Variants in KIAA1217 observed in about 807,000 individuals in gnomAD.
KIAA1217 encodes sickle tail protein homolog.
Under a neutral mutation model 163.9 loss-of-function variants are expected in KIAA1217, and 88 were observed. The observed-to-expected ratio is 0.54, with a 90% CI of 0.45 to 0.64. The LOEUF (loss-of-function observed/expected upper bound fraction) is 0.64, where lower values mean the gene tolerates loss of function less well. Ranked by LOEUF, KIAA1217 falls within the 30% of genes least tolerant of loss-of-function variation. KIAA1217 has a pLI of 0.00. For synonymous variants in KIAA1217, 903 were observed against 923.1 expected (o/e 0.98, Z 0.39); for missense variants, 2,372 against 2,475.0 (o/e 0.96, Z 0.88).
chr10:24,401,782 T>C (rs1471701375), intron 3 of KIAA1217, among the ~76,000 whole-genome samples: 2 of 152,154 alleles, frequency 1.3e-5, no homozygotes, highest in African/African-American at 2.4e-5. Flanking sequence ...AATAAAACTG[T>C]CTCTGTTTGC....
chr10:23,846,533 G>A (rs1406410025), intron 1 of KIAA1217, among the ~76,000 whole-genome samples: 1 of 151,950 alleles, frequency 6.6e-6, no homozygotes, highest in Admixed American at 6.6e-5. Context: ...CTCTCTGTTT[G>A]TCTGTTCTTG....
chr10:24,480,753 T>G (rs2064579814), intron 6 of KIAA1217, among the ~76,000 whole-genome samples: 1 of 152,206 alleles, frequency 6.6e-6, no homozygotes, highest in African/African-American at 2.4e-5. Flanking sequence ...GAGACATTTC[T>G]GAATATAATA....
intron 2 of KIAA1217, among the ~76,000 whole-genome samples, chr10:24,342,652 ATTTTTTTTT>A (rs11299912): frequency 0.013 from 1,216 of 93,556 alleles, 9 homozygotes; most frequent in Non-Finnish European, 0.019. Flanking sequence ...ATACAACTCA[ATTTTTTTTT>A]TTTTTTTTTT....
At chr10:24,448,249 G>GA (rs1319964345) in intron 5 of KIAA1217, among the ~76,000 whole-genome samples, 2 of 151,752 alleles carry the variant, frequency 1.3e-5, no homozygotes, top group African/African-American at 4.8e-5. Context: ...TTTTGCGTGG[G>GA]GGGGGCTGGA....
At chr10:24,067,323 T>C (rs2060991909) in intron 2 of KIAA1217, among the ~76,000 whole-genome samples, 1 of 152,176 alleles carries the variant, frequency 6.6e-6, no homozygotes, top group South Asian at 2.1e-4. Context: ...GGGTTTTTGG[T>C]ATGGATGTCC....
At chr10:24,239,750 G>A (rs1250570432) in intron 2 of KIAA1217, among the ~76,000 whole-genome samples, 1 of 151,704 alleles carries the variant, frequency 6.6e-6, no homozygotes, top group Admixed American at 6.6e-5. Flanking sequence ...CTGAAATTGA[G>A]ACTATGGGTA....
At chr10:24,120,748 G>A (rs566389006) in intron 2 of KIAA1217, among the ~76,000 whole-genome samples, 1 of 152,138 alleles carries the variant, frequency 6.6e-6, no homozygotes, top group Non-Finnish European at 1.5e-5. Flanking sequence ...ATTTCAAAAG[G>A]CATCAAGTCA....
At chr10:23,860,086 C>G (rs1588966917) in intron 1 of KIAA1217, among the ~76,000 whole-genome samples, 1 of 152,088 alleles carries the variant, frequency 6.6e-6, no homozygotes, top group South Asian at 2.1e-4. Flanking sequence ...AGTCCTGCCC[C>G]TCGTACGTTC....
Position 23,833,981 on chromosome 10 carries a change from G to A in KIAA1217, c.-321+138747G>A, listed in dbSNP as rs1366195145. Among the ~76,000 whole-genome samples, 3 of 151,966 alleles carry A rather than the reference G, an allele frequency of 2.0e-5. No individual in the cohort carries two copies. In the East Asian group the frequency reaches 5.8e-4, roughly 29 times the overall value. On this transcript the variant is annotated intron_variant, in intron 1 of 18. Coordinates refer to the KIAA1217 transcript ENST00000376462. ...TAAACATAGTTTATATGGATTTCAT[G>A]TCTTCATTTATCTCCCTTTAAAGTT...
chr10:24,140,802 C>A (rs529286745), intron 2 of KIAA1217, among the ~76,000 whole-genome samples: 1 of 152,120 alleles, frequency 6.6e-6, no homozygotes, highest in Non-Finnish European at 1.5e-5. Context: ...TGGTTGCGAA[C>A]GTTACCTCTT....
At position 24,438,528 on chromosome 10, in the gene KIAA1217, C is replaced by A. The variant is rs1244373811; in HGVS notation, c.846+49C>A. ...ACTTATCTTCAGTGGGTCAAAGCGTCCCTCCTCTTGCTTGTACTCCTGATG... is the reference window on the plus strand; with the variant it reads ...ACTTATCTTCAGTGGGTCAAAGCGTACCTCCTCTTGCTTGTACTCCTGATG... On this transcript the variant is annotated intron_variant, in intron 5 of 20. Coordinates refer to ENST00000376454, the MANE Select transcript of KIAA1217 (RefSeq NM_019590.5). The A allele has an allele frequency of 4.7e-6, 6 of 1,270,728 alleles. No homozygotes were observed. The Admixed American group carries it at 8.4e-5, about 18-fold the overall frequency. 78.7% of individuals were successfully genotyped at this position (1,270,728 alleles called of 1,614,324 possible). A position where few individuals can be genotyped will look rare whatever the true frequency, so the allele number is the denominator to read the frequency against.
chr10:24,187,263 C>G (rs2066481114), intron 2 of KIAA1217, among the ~76,000 whole-genome samples: 1 of 152,144 alleles, frequency 6.6e-6, no homozygotes, highest in African/African-American at 2.4e-5. Flanking sequence ...TCATTCTTTT[C>G]TCTTTTGTAT....
chr10:24,480,369 C>T (rs1029769605), intron 6 of KIAA1217, among the ~76,000 whole-genome samples: 4 of 152,242 alleles, frequency 2.6e-5, no homozygotes, highest in Non-Finnish European at 5.9e-5. Flanking sequence ...ATTGATAGAG[C>T]TTGCTATGAC....
intron 2 of KIAA1217, among the ~76,000 whole-genome samples, chr10:24,093,919 C>A (rs60544665): frequency 0.041 from 6,215 of 150,704 alleles, 424 homozygotes; most frequent in African/African-American, 0.14. Context: ...TTTGTTCTTG[C>A]AATAGTTTAC....
intron 2 of KIAA1217, among the ~76,000 whole-genome samples, chr10:24,184,812 G>T (rs2066344209): frequency 6.6e-6 from 1 of 152,178 alleles, no homozygotes; most frequent in South Asian, 2.1e-4. Context: ...GGCCCCATAG[G>T]TGGTCATTCA....
At position 24,012,820 on chromosome 10, in the gene KIAA1217, A is replaced by G. The variant is rs535143589; in HGVS notation, c.-171+5446A>G. 2.0e-5 allele frequency among the ~76,000 whole-genome samples: 3 copies of G among 152,266 alleles called. No individual in the cohort carries two copies. In the South Asian group the frequency reaches 6.2e-4, roughly 32 times the overall value. Reference sequence around the variant, plus strand: ...TAAACTTTGGTTGGATTAAGCTATTACTGATCTCATGCTTCTGTTGGTAGA... The same window carrying G: ...TAAACTTTGGTTGGATTAAGCTATTGCTGATCTCATGCTTCTGTTGGTAGA... On this transcript the variant is annotated intron_variant, in intron 2 of 18. Transcript: ENST00000376462.
At chr10:23,860,391 G>A (rs982816938) in intron 1 of KIAA1217, among the ~76,000 whole-genome samples, 7 of 151,998 alleles carry the variant, frequency 4.6e-5, no homozygotes, top group Non-Finnish European at 7.3e-5. Flanking sequence ...GGTCTTCTGT[G>A]TAGTATGATT....
At chr10:24,212,396 A>G (rs1423790240) in intron 1 of KIAA1217, among the ~76,000 whole-genome samples, 1 of 152,176 alleles carries the variant, frequency 6.6e-6, no homozygotes, top group African/African-American at 2.4e-5. Flanking sequence ...GTTGACTACA[A>G]TTTGGATATT....
At chr10:23,856,349 G>A (rs565572997) in intron 1 of KIAA1217, among the ~76,000 whole-genome samples, 2 of 152,348 alleles carry the variant, frequency 1.3e-5, no homozygotes, top group East Asian at 3.9e-4. Flanking sequence ...CGCGAATGCT[G>A]CTGTCTGATC....
Sources: gnomAD v4.1 joint callset for allele counts (sites outside exome capture counted in the v4.1 genomes callset) on GRCh38, gnomAD v4.1.1 for gene constraint, MANE v1.5 for transcripts, NCBI Gene and HGNC (gene_info 2026-07-23, HGNC 2026-07-21) for gene names.